Variants in ARHGEF40 observed in about 807,000 individuals in gnomAD.
ARHGEF40 encodes Rho guanine nucleotide exchange factor (GEF) 40.
ARHGEF40 carries 98 observed loss-of-function variants against 165.9 expected under a neutral mutation model. The ratio of observed to expected loss-of-function variants is 0.59; its 90% CI spans 0.50 to 0.70. The LOEUF is 0.70. Among genes scored for constraint, ARHGEF40 ranks in the 30% least tolerant of loss-of-function variants. The pLI is 0.00. For missense variants in ARHGEF40, 1,815 were observed against 1,968.0 expected, an observed-to-expected ratio of 0.92 and a Z score of 1.47; for synonymous variants, 792 against 814.3, an observed-to-expected ratio of 0.97 and a Z score of 0.47.
chr14:21,080,199 GACACACACACACACACACACAC>G (rs71112543), intron 11 of ARHGEF40, among the ~76,000 whole-genome samples: 6 of 135,318 alleles, frequency 4.4e-5, no homozygotes, highest in African/African-American at 1.1e-4. Context: ...ATTAAAGCCG[GACACACACACACACACACACAC>G]ACACACACAC....
At chr14:21,085,632 G>A in intron 18 of ARHGEF40, 57 bp from the exon 19 acceptor site, 1 of 1,569,538 alleles carries the variant, frequency 6.4e-7, no homozygotes. Context: ...TTGCCATGTG[G>A]CGCCACCCAG....
chr14:21,085,139 G>A (rs1301630606), intron 18 of ARHGEF40, among the ~76,000 whole-genome samples: 1 of 152,114 alleles, frequency 6.6e-6, no homozygotes, highest in African/African-American at 2.4e-5. Flanking sequence ...CATTCATGCA[G>A]AACACTTAGG....
chr14:21,088,241 A>T, intron 22 of ARHGEF40, 143 bp downstream of exon 22: 1 of 1,116,128 alleles, frequency 9.0e-7, no homozygotes, highest in Non-Finnish European at 1.2e-6. Context: ...TGGATTTATT[A>T]TCTTGTCTAC....
Position 21,075,516 on chromosome 14 carries a change from G to C in ARHGEF40, c.1618+17G>C. ...TCCTGACGGGTCAGTGGGCATCAGTGGGTGAAGGGAAACAGGACTGGGAAA... is the reference window on the plus strand; with the variant it reads ...TCCTGACGGGTCAGTGGGCATCAGTCGGTGAAGGGAAACAGGACTGGGAAA... On this transcript the variant is annotated intron_variant, in intron 4 of 23. Coordinates refer to ENST00000298694, the MANE Select transcript of ARHGEF40 (RefSeq NM_018071.5). This position sits in a 1 kb window ranked among gnomAD's most constrained non-coding sequence, Gnocchi z 4.5. 1 of 1,614,190 alleles carries C rather than the reference G, an allele frequency of 6.2e-7. No homozygotes were observed. Among genetic ancestry groups the C allele is most frequent in the Non-Finnish European group, 8.5e-7 (1 of 1,180,028 alleles).
chr14:21,085,655 C>CT (rs780354923), intron 18 of ARHGEF40, 34 bp from the exon 19 acceptor site: 1 of 1,601,114 alleles, frequency 6.2e-7, no homozygotes, highest in Non-Finnish European at 8.5e-7. Context: ...AGGACTCACT[C>CT]TGTCTTCACC....
Position 21,081,012 on chromosome 14 carries a change from A to C in ARHGEF40, c.2636A>C (p.Gln879Pro). 6.2e-7 allele frequency: 1 copy of C among 1,612,946 alleles called. No individual in the cohort carries two copies. Among genetic ancestry groups the C allele is most frequent in the South Asian group, 1.1e-5 (1 of 90,952 alleles). The change falls in exon 13 of 24, where the codon CAG becomes CCG. Residue 879 changes from glutamine (Q) to proline (P), a missense_variant. By Grantham distance (76) the Gln-to-Pro change is moderately conservative. Coordinates refer to ENST00000298694, the MANE Select transcript of ARHGEF40 (RefSeq NM_018071.5). ...GCCCTGCGGCTACAGCGCTTCTTCC[A>C]GCAGGTGCATGCAGAGCCTTTTCCT... is the stretch of plus-strand genomic sequence containing the variant. ...HRALRLQRFFQQAHEWVDEGF... is the reference protein window; with the variant it reads ...HRALRLQRFFPQAHEWVDEGF...
At chr14:21,070,273 C>A, upstream of ARHGEF40, 1 of 1,065,858 alleles carries the variant, frequency 9.4e-7, no homozygotes, top group Non-Finnish European at 1.2e-6. The surrounding 1 kb of genome is among the most constrained non-coding windows in gnomAD (Gnocchi z 4.7). Context: ...GCGGGCCGAG[C>A]CGCCACCGCG....
chr14:21,077,661 T>TA (rs1450107122), intron 8 of ARHGEF40, among the ~76,000 whole-genome samples: 3 of 152,172 alleles, frequency 2.0e-5, no homozygotes, highest in Non-Finnish European at 2.9e-5. Flanking sequence ...ACAATCACAA[T>TA]ATAATTGCTA....
Position 21,074,765 on chromosome 14 carries a change from CGGATCTT to C in ARHGEF40, c.1037_1043del (p.Gly346AlafsTer3). 1.2e-6 allele frequency: 2 copies of C among 1,609,752 alleles called. No homozygotes were observed. Among genetic ancestry groups the C allele is most frequent in the Non-Finnish European group, 1.7e-6 (2 of 1,178,706 alleles). On this transcript the variant is annotated frameshift_variant, in exon 3 of 24. Transcript: ENST00000298694. LOFTEE classifies it high-confidence loss of function. This position sits in a 1 kb window ranked among gnomAD's most constrained non-coding sequence, Gnocchi z 4.8. ...CAGCAGAGGCTGTGGGAGAAGCCTC[CGGATCTT>C]GCCCCCTGAGGCCAGGGGAGCTTAG...
chr14:21,075,245 G>A lies in ARHGEF40; in HGVS notation c.1450+65G>A. 3 of 1,588,028 alleles carry A rather than the reference G, an allele frequency of 1.9e-6. No individual in the cohort carries two copies. Among genetic ancestry groups the A allele is most frequent in the South Asian group, 2.3e-5 (2 of 85,906 alleles). On this transcript the variant is annotated intron_variant, in intron 3 of 23. Coordinates refer to ENST00000298694, the MANE Select transcript of ARHGEF40 (RefSeq NM_018071.5). The surrounding 1 kb of genome is among the most constrained non-coding windows in gnomAD (Gnocchi z 4.5). ...AAGCAGGTCGGGCCTATGGGAGGGG[G>A]CAGGAGGAGGAGCAGGGTTAGGCTG...
chr14:21,089,031 C>T lies in ARHGEF40; in HGVS notation c.*23C>T, dbSNP rs942004906. 13 of 695,756 alleles carry T rather than the reference C, an allele frequency of 1.9e-5. No homozygotes were observed. Among genetic ancestry groups the T allele is most frequent in the African/African-American group, 9.1e-5 (5 of 55,066 alleles). 43.1% of individuals were successfully genotyped at this position (695,756 alleles called of 1,614,324 possible). The stretch of plus-strand genomic sequence containing the variant: ...GCTTCTAGAGAAGATCCAGAACTTG[C>T]GTGCAGCTTCTCCTCTCAGCACACT... On this transcript the variant is annotated 3_prime_UTR_variant, in exon 24 of 24. Transcript: ENST00000298694.
In ARHGEF40 at chr14:21,073,991, G is replaced by A. The variant is rs1242865428; in HGVS notation, c.261G>A (p.Gln87=). 1 of 1,613,082 alleles carries A rather than the reference G, an allele frequency of 6.2e-7. No homozygotes were observed. Residue 87 remains glutamine, a synonymous_variant, in exon 3 of 24, where the codon CAG becomes CAA. Transcript: ENST00000298694. This position sits in a 1 kb window ranked among gnomAD's most constrained non-coding sequence, Gnocchi z 4.6. ...GGTGGCCGCTCTGCCTGCATGAACA[G>A]GTGGTGGTGCAGCTAGCAGCCCTAC... ...HEGWPLCLHE[Q]VVVQLAALPW...
Position 21,074,816 on chromosome 14 carries a change from C to A in ARHGEF40, c.1086C>A (p.Gly362=). Residue 362 remains glycine, a synonymous_variant, in exon 3 of 24, where the codon GGC becomes GGA. Transcript: ENST00000298694. The surrounding 1 kb of genome is among the most constrained non-coding windows in gnomAD (Gnocchi z 4.8). ...AGCTTAGAGGAGGAGGAGGAGGAGGCCAGGGGGCTGAAGGACCACCTGGTA... is the reference window on the plus strand; with the variant it reads ...AGCTTAGAGGAGGAGGAGGAGGAGGACAGGGGGCTGAAGGACCACCTGGTA... ...PGELRGGGGG[G]QGAEGPPGTP... The A allele has an allele frequency of 6.2e-7, 1 of 1,605,542 alleles. No homozygotes were observed. Among genetic ancestry groups the A allele is most frequent in the Non-Finnish European group, 8.5e-7 (1 of 1,176,422 alleles).
intron 10 of ARHGEF40, 23 bp from the exon 11 acceptor site, chr14:21,078,861 A>G: frequency 6.2e-7 from 1 of 1,605,902 alleles, no homozygotes; most frequent in Non-Finnish European, 8.5e-7. Context: ...GAAATGATTC[A>G]TTCTTCTCTG....
At chr14:21,080,816 CA>C (rs768617313) in intron 12 of ARHGEF40, 34 bp downstream of exon 12, 1 of 1,602,534 alleles carries the variant, frequency 6.2e-7, no homozygotes, top group Admixed American at 1.7e-5. Context: ...TGAGAGGAGG[CA>C]GGGGGAGACT....
Position 21,082,478 on chromosome 14 carries a change from C to G in ARHGEF40, c.3486C>G (p.His1162Gln). 4 of 1,575,120 alleles carry G rather than the reference C, an allele frequency of 2.5e-6. No homozygotes were observed. Among genetic ancestry groups the G allele is most frequent in the Admixed American group, 1.8e-5 (1 of 56,096 alleles). Residue 1162 changes from histidine to glutamine, a missense_variant and splice_region_variant, in exon 15 of 24, where the codon CAC becomes CAG. Transcript: ENST00000298694. ...GCATTGGGGCCTGCTTCCTTCGCCA[C>G]GTGAGTGATCCCCTCAACTTCTTCC... ...PLRIGACFLRHGDQFSLYAQY... is the reference protein window; with the variant it reads ...PLRIGACFLRQGDQFSLYAQY...
At chr14:21,062,897 A>G in the ARHGEF40 span, among the ~76,000 whole-genome samples, 1 of 151,274 alleles carries the variant, frequency 6.6e-6, no homozygotes, top group African/African-American at 2.4e-5. Context: ...GAGGATCAAT[A>G]GAGCCCGGGT....
In ARHGEF40 at chr14:21,082,373, G is replaced by A; in HGVS notation, c.3381G>A (p.Leu1127=). The change falls in exon 15 of 24, where the codon CTG becomes CTA. Residue 1127 remains leucine, a synonymous_variant. Coordinates refer to ENST00000298694, the MANE Select transcript of ARHGEF40 (RefSeq NM_018071.5). ...TTCGGGGCACCTGGGCTGCTGCCCTGAGTGCCCGGGAAAGGCTTCGCAGCT... is the reference window on the plus strand; with the variant it reads ...TTCGGGGCACCTGGGCTGCTGCCCTAAGTGCCCGGGAAAGGCTTCGCAGCT... ...PELRGTWAAA[L]SARERLRSFH... 2 of 1,611,396 alleles carry A rather than the reference G, an allele frequency of 1.2e-6. No homozygotes were observed. Among genetic ancestry groups the A allele is most frequent in the Non-Finnish European group, 8.5e-7 (1 of 1,179,556 alleles).
At position 21,082,320 on chromosome 14, in the gene ARHGEF40, C is replaced by A; in HGVS notation, c.3328C>A (p.Pro1110Thr). 6.2e-7 allele frequency: 1 copy of A among 1,612,922 alleles called. No individual in the cohort carries two copies. Among genetic ancestry groups the A allele is most frequent in the Non-Finnish European group, 8.5e-7 (1 of 1,179,784 alleles). ...YVATLSEPVP[P>T]PGPELTPELR... ...GGCCACCTTGAGTGAGCCAGTGCCACCCCCTGGGCCTGAGCTGACGCCTGA... is the reference window on the plus strand; with the variant it reads ...GGCCACCTTGAGTGAGCCAGTGCCAACCCCTGGGCCTGAGCTGACGCCTGA... Residue 1110 changes from proline to threonine, a missense_variant, in exon 15 of 24, where the codon CCC becomes ACC. Coordinates refer to ENST00000298694, the MANE Select transcript of ARHGEF40 (RefSeq NM_018071.5).
Sources: gnomAD v4.1 joint callset for allele counts (sites outside exome capture counted in the v4.1 genomes callset) on GRCh38, gnomAD v4.1.1 for gene constraint, Gnocchi (gnomAD v3.1) non-coding constraint, MANE v1.5 for transcripts, NCBI Gene and HGNC (gene_info 2026-07-23, HGNC 2026-07-21) for gene names.